The following GAS2 variants were observed in gnomAD, a reference collection of about 807,000 sequenced individuals.
The protein encoded by GAS2 is growth arrest-specific protein 2.
GAS2 carries 20 observed loss-of-function variants against 37.5 expected under a neutral mutation model. That is an observed-to-expected ratio of 0.53 (90% confidence interval 0.37 to 0.77). The LOEUF (loss-of-function observed/expected upper bound fraction) is 0.77, where lower values mean the gene tolerates loss of function less well. Ranked by LOEUF, GAS2 falls within the 30% of genes least tolerant of loss-of-function variation. The pLI is 0.00. For missense variants in GAS2, 336 were observed against 373.4 expected (o/e 0.90, Z 0.82); for synonymous variants, 144 against 132.2 (o/e 1.09, Z -0.61).
At chr11:22,648,092 A>G (rs1289293278) in intron 1 of GAS2, among the ~76,000 whole-genome samples, 3 of 152,100 alleles carry the variant, frequency 2.0e-5, no homozygotes, top group East Asian at 3.9e-4. Context: ...TCTTGAATTG[A>G]TTTTTGTATA....
chr11:22,635,807 A>G (rs557488576), intron 1 of GAS2, among the ~76,000 whole-genome samples: 1 of 152,352 alleles, frequency 6.6e-6, no homozygotes, highest in South Asian at 2.1e-4. Context: ...GAGTGCATGC[A>G]AAGCATGTGC....
chr11:22,673,122 A>G (rs2046053), intron 1 of GAS2, among the ~76,000 whole-genome samples: 95,041 of 151,978 alleles, frequency 0.63, 30,930 homozygotes, highest in East Asian at 0.83. Context: ...TTTAAATACT[A>G]TATTTATGAT....
At chr11:22,777,701 C>A (rs1461271966) in intron 7 of GAS2, among the ~76,000 whole-genome samples, 3 of 152,098 alleles carry the variant, frequency 2.0e-5, no homozygotes, top group South Asian at 4.1e-4. Flanking sequence ...GTAGAGAATT[C>A]CAGCAGGAAT....
intron 1 of GAS2, among the ~76,000 whole-genome samples, chr11:22,640,882 G>A (rs2133817261): frequency 6.6e-6 from 1 of 152,192 alleles, no homozygotes; most frequent in South Asian, 2.1e-4. Context: ...AAGAAAAGGG[G>A]GCAAAAGAAA....
chr11:22,652,993 G>GTCTTTCTTTCTTTCTTTCTTTTTCTT (rs1565067479), intron 1 of GAS2, among the ~76,000 whole-genome samples: 4 of 97,036 alleles, frequency 4.1e-5, no homozygotes, highest in Non-Finnish European at 5.9e-5. Flanking sequence ...TTCTTTCTTT[G>GTCTTTCTTTCTTTCTTTCTTTTTCTT]TCTTTCTTTC....
At chr11:22,674,779 A>G in intron 1 of GAS2, 71 bp from the exon 2 acceptor site, 2 of 1,201,340 alleles carry the variant, frequency 1.7e-6, no homozygotes, top group African/African-American at 3.0e-5. Flanking sequence ...AGTTCATTAT[A>G]ATGTCATGAT....
At chr11:22,755,649 T>C (rs1019666432) in intron 6 of GAS2, 197 bp from the exon 7 acceptor site, 2 of 478,882 alleles carry the variant, frequency 4.2e-6, no homozygotes, top group Non-Finnish European at 7.5e-6. Flanking sequence ...AGTGCAGTCA[T>C]TTGCCTTCAG....
At chr11:22,734,024 G>A (rs956600972) in intron 4 of GAS2, among the ~76,000 whole-genome samples, 19 of 151,698 alleles carry the variant, frequency 1.3e-4, no homozygotes, top group African/African-American at 4.6e-4. Flanking sequence ...ATGATGACAT[G>A]TGCTTAAAAT....
chr11:22,746,931 G>A (rs191192302), intron 5 of GAS2, among the ~76,000 whole-genome samples: 210 of 152,256 alleles, frequency 1.4e-3, no homozygotes, highest in African/African-American at 4.8e-3. Flanking sequence ...AGAGAAGAAT[G>A]AGAAACAAAT....
intron 1 of GAS2, among the ~76,000 whole-genome samples, chr11:22,670,565 C>T (rs2030158): frequency 0.55 from 84,247 of 151,952 alleles, 26,007 homozygotes; most frequent in East Asian, 0.76. Flanking sequence ...TGGGATAGGT[C>T]AATAGAAGTT....
At chr11:22,668,221 G>A (rs1222658870) in intron 1 of GAS2, 1 of 152,262 alleles carries the variant, frequency 6.6e-6, no homozygotes, top group Non-Finnish European at 1.5e-5. Flanking sequence ...GCCTGTCTTT[G>A]ATATTGATCA....
At chr11:22,696,189 G>A (rs1448775456) in intron 3 of GAS2, among the ~76,000 whole-genome samples, 2 of 149,378 alleles carry the variant, frequency 1.3e-5, no homozygotes, top group Non-Finnish European at 3.0e-5. Flanking sequence ...GAGAACATGC[G>A]GTGTTTGGTT....
intron 4 of GAS2, among the ~76,000 whole-genome samples, chr11:22,729,749 C>A: frequency 8.0e-6 from 1 of 125,602 alleles, no homozygotes. Flanking sequence ...TAAAATCTAC[C>A]TTATTACTAA....
chr11:22,631,466 T>C (rs1858744022), intron 1 of GAS2, among the ~76,000 whole-genome samples: 1 of 152,146 alleles, frequency 6.6e-6, no homozygotes, highest in East Asian at 1.9e-4. Flanking sequence ...GTTTGTTATA[T>C]ATGGCTTTTA....
chr11:22,688,614 A>G (rs1850084505), intron 3 of GAS2, among the ~76,000 whole-genome samples: 1 of 152,194 alleles, frequency 6.6e-6, no homozygotes. Context: ...TTTTATAATA[A>G]AACTATAAAA....
chr11:22,733,100 G>T (rs1481939022), intron 4 of GAS2, among the ~76,000 whole-genome samples: 1 of 151,460 alleles, frequency 6.6e-6, no homozygotes, highest in Non-Finnish European at 1.5e-5. Context: ...TGGTGCAAGA[G>T]AGTAACATTT....
upstream of GAS2, among the ~76,000 whole-genome samples, chr11:22,662,693 G>A (rs150109075): frequency 5.3e-3 from 801 of 151,960 alleles, 10 homozygotes; most frequent in African/African-American, 0.018. Flanking sequence ...GACAACAGAC[G>A]TCACACCACA....
chr11:22,737,910 G>T, intron 5 of GAS2, 142 bp downstream of exon 5: 1 of 737,168 alleles, frequency 1.4e-6, no homozygotes. Flanking sequence ...TGAACTTCTT[G>T]AGGGCAGCAG....
chr11:22,729,663 A>G (rs1370926675), intron 4 of GAS2, among the ~76,000 whole-genome samples: 2 of 150,112 alleles, frequency 1.3e-5, no homozygotes, highest in Non-Finnish European at 3.0e-5. Flanking sequence ...TAAAAATCCA[A>G]TTAAGATGTT....
Sources: allele counts gnomAD v4.1 joint callset (sites outside exome capture counted in the v4.1 genomes callset), GRCh38; gene constraint gnomAD v4.1.1; transcripts MANE v1.5; gene names NCBI Gene and HGNC (gene_info 2026-07-23, HGNC 2026-07-21).